PTPN18: variants seen among roughly 807,000 people sequenced by gnomAD.
PTPN18 encodes the protein tyrosine-protein phosphatase non-receptor type 18.
A neutral mutation model predicts 65.4 loss-of-function variants in PTPN18; 65 were observed. The observed-to-expected ratio is 0.99, with a 90% confidence interval of 0.81 to 1.22. The LOEUF is 1.22. Ranked by LOEUF, PTPN18 falls within the 50% of genes most tolerant of loss-of-function variation. The probability of loss-of-function intolerance (pLI) is 0.00; values close to 1 mark genes in which losing one functional copy is unlikely to be tolerated. For synonymous variants in PTPN18, 255 were observed against 267.8 expected (o/e 0.95, Z 0.47); for missense variants, 616 against 646.5 (o/e 0.95, Z 0.51).
chr2:130,361,110 GAC>G, intron 5 of PTPN18, among the ~76,000 whole-genome samples: 1 of 152,294 alleles, frequency 6.6e-6, no homozygotes, highest in African/African-American at 2.4e-5. Context: ...TTTTTAAAAA[GAC>G]ACTTTTATAT....
At chr2:130,370,027 T>C in intron 7 of PTPN18, 21 bp from the exon 8 acceptor site, 1 of 1,611,638 alleles carries the variant, frequency 6.2e-7, no homozygotes, top group Non-Finnish European at 8.5e-7. Context: ...AGTCTTTTGC[T>C]CATCTTTTTC....
intron 5 of PTPN18, among the ~76,000 whole-genome samples, chr2:130,368,373 A>G (rs1398714728): frequency 6.6e-6 from 1 of 152,220 alleles, no homozygotes; most frequent in African/African-American, 2.4e-5. Context: ...ATGGTTGATC[A>G]AGTAGCCTTT....
chr2:130,374,770 G>A lies in PTPN18; in HGVS notation c.*1546G>A. The A allele has an allele frequency of 2.2e-6, 1 of 456,110 alleles. No homozygotes were observed. Among genetic ancestry groups the A allele is most frequent in the East Asian group, 7.1e-5 (1 of 14,176 alleles). The allele number at this position is 456,110 out of a possible 1,614,324, so 28.3% of individuals were successfully genotyped here. A position where few individuals can be genotyped will look rare whatever the true frequency, so the allele number is the denominator to read the frequency against. ...CCCTGTCCTGCCCTTCTCTGGGATA[G>A]GGCTGGCCTTCCTCTGCCTCTGCCT... On this transcript the variant is annotated 3_prime_UTR_variant, in exon 15 of 15. Coordinates refer to ENST00000175756, the MANE Select transcript of PTPN18 (RefSeq NM_014369.4).
intron 5 of PTPN18, among the ~76,000 whole-genome samples, chr2:130,364,848 A>T (rs1171622225): frequency 1.3e-5 from 2 of 152,196 alleles, no homozygotes; most frequent in African/African-American, 2.4e-5. Flanking sequence ...ATCTGTTTGA[A>T]TCCCTGTTTT....
At chr2:130,372,826 T>C (rs1483350460) in intron 13 of PTPN18, 47 bp from the exon 14 acceptor site, 1 of 1,604,778 alleles carries the variant, frequency 6.2e-7, no homozygotes, top group Admixed American at 1.7e-5. Flanking sequence ...GTCTTGGGAC[T>C]CCCTGGGGCT....
chr2:130,361,534 C>G (rs774474311), intron 5 of PTPN18, among the ~76,000 whole-genome samples: 5 of 141,562 alleles, frequency 3.5e-5, no homozygotes, highest in Non-Finnish European at 7.5e-5. Flanking sequence ...TTCTTTCTTT[C>G]TTTCTTTCTT....
chr2:130,362,574 T>A (rs1224146266), intron 5 of PTPN18: 2 of 161,806 alleles, frequency 1.2e-5, no homozygotes, highest in African/African-American at 4.8e-5. Context: ...ACATTTCATG[T>A]AAAATGTCAG....
Position 130,365,206 on chromosome 2 carries a change from A to G in PTPN18, c.415-3927A>G, listed in dbSNP as rs188283416. On this transcript the variant is annotated intron_variant, in intron 5 of 14. Coordinates refer to ENST00000175756, the MANE Select transcript of PTPN18 (RefSeq NM_014369.4). ...GTGTCAATATCAAGTGCCATGTATC[A>G]GGTTTCTACATATGCTCCATTATAA... 3.5e-3 allele frequency among the ~76,000 whole-genome samples: 532 copies of G among 152,304 alleles called. 7 individuals carry two copies. Among genetic ancestry groups the G allele is most frequent in the Non-Finnish European group, 2.9e-3 (196 of 68,030 alleles).
At position 130,373,303 on chromosome 2, in the gene PTPN18, G is replaced by C. The variant is rs1051373348; in HGVS notation, c.*79G>C. On this transcript the variant is annotated 3_prime_UTR_variant, in exon 15 of 15. Coordinates refer to ENST00000175756, the MANE Select transcript of PTPN18 (RefSeq NM_014369.4). This position sits in a 1 kb window ranked among gnomAD's most constrained non-coding sequence, Gnocchi z 4.1. ...CCGGTGCTGCTGAGCGCCGTGCGCA[G>C]AATGGAAACAGTGGGCCTGGATCAA... The C allele has an allele frequency of 3.0e-6, 4 of 1,352,468 alleles. No individual in the cohort carries two copies. In the African/African-American group the frequency reaches 5.9e-5, roughly 20 times the overall value. 83.8% of individuals were successfully genotyped at this position (1,352,468 alleles called of 1,614,324 possible). A position where few individuals can be genotyped will look rare whatever the true frequency, so the allele number is the denominator to read the frequency against.
chr2:130,361,574 TC>T (rs1158905099), intron 5 of PTPN18, among the ~76,000 whole-genome samples: 4 of 134,288 alleles, frequency 3.0e-5, no homozygotes, highest in African/African-American at 1.5e-4. Flanking sequence ...TTCCTTTCTT[TC>T]CTTTCTTTCC....
chr2:130,356,555 C>A (rs1484341401), intron 1 of PTPN18: 1 of 496,778 alleles, frequency 2.0e-6, no homozygotes, highest in Non-Finnish European at 4.1e-6. Flanking sequence ...TGGACAGCCC[C>A]GGCCCCGCCG....
chr2:130,372,507 C>A, intron 13 of PTPN18, 24 bp downstream of exon 13: 2 of 1,389,028 alleles, frequency 1.4e-6, no homozygotes, highest in East Asian at 2.9e-5. Flanking sequence ...TGCTCCTTCT[C>A]AGGGCATCAT....
intron 1 of PTPN18, chr2:130,356,652 G>A (rs1345950810): frequency 8.5e-6 from 4 of 470,094 alleles, no homozygotes; most frequent in Non-Finnish European, 1.3e-5. Context: ...GTGGCGTGGT[G>A]AGGGTGTGAA....
intron 5 of PTPN18, 160 bp downstream of exon 5, chr2:130,359,806 A>AT (rs1357591756): frequency 3.4e-6 from 3 of 874,084 alleles, no homozygotes; most frequent in Non-Finnish European, 5.3e-6. Context: ...TTTTGTTGAT[A>AT]TGTTATTCAT....
chr2:130,358,665 CAG>C (rs1680072575), intron 1 of PTPN18, among the ~76,000 whole-genome samples, 200 bp from the exon 2 acceptor site: 1 of 152,150 alleles, frequency 6.6e-6, no homozygotes, highest in African/African-American at 2.4e-5. Context: ...GCCCTTAGCA[CAG>C]AGAGTGGCAC....
At position 130,361,126 on chromosome 2, in the gene PTPN18, T is replaced by C. The variant is rs542314967; in HGVS notation, c.414+1480T>C. Among the ~76,000 whole-genome samples, 3 of 152,368 alleles carry C rather than the reference T, an allele frequency of 2.0e-5. No homozygotes were observed. The East Asian group carries it at 5.8e-4, about 29-fold the overall frequency. ...TTTTAAAAAGACACTTTTATATCTTTACTGTATATTTTATATCTTTACTGA... is the reference window on the plus strand; with the variant it reads ...TTTTAAAAAGACACTTTTATATCTTCACTGTATATTTTATATCTTTACTGA... On this transcript the variant is annotated intron_variant, in intron 5 of 14. Transcript: ENST00000175756.
intron 1 of PTPN18, among the ~76,000 whole-genome samples, chr2:130,358,064 G>T (rs1292600949): frequency 6.6e-6 from 1 of 152,206 alleles, no homozygotes; most frequent in Non-Finnish European, 1.5e-5. Context: ...CGTGTACAGT[G>T]CGGAGGGCCT....
chr2:130,359,163 A>AG (rs1023593495), intron 2 of PTPN18, 70 bp from the exon 3 acceptor site: 1 of 1,576,838 alleles, frequency 6.3e-7, no homozygotes, highest in Non-Finnish European at 8.7e-7. Flanking sequence ...GCTTTCAGCT[A>AG]GGGGGCTGTC....
Position 130,372,960 on chromosome 2 carries a change from G to A in PTPN18, c.1315+13G>A, listed in dbSNP as rs1291236625. 1.2e-6 allele frequency: 2 copies of A among 1,614,086 alleles called. No homozygotes were observed. The highest frequency in any genetic ancestry group is 3.3e-5 in the Admixed American group (2 of 60,028). ...ACCGGTGGGCTAGGTAAGTCAGGTA[G>A]AGCCTGGGTTGCTGGGACTTTGCTG... On this transcript the variant is annotated intron_variant, in intron 14 of 14. Coordinates refer to ENST00000175756, the MANE Select transcript of PTPN18 (RefSeq NM_014369.4).
Sources: allele counts gnomAD v4.1 joint callset (sites outside exome capture counted in the v4.1 genomes callset), GRCh38; gene constraint gnomAD v4.1.1; non-coding constraint Gnocchi (gnomAD v3.1); transcripts MANE v1.5; gene names NCBI Gene and HGNC (gene_info 2026-07-23, HGNC 2026-07-21).